MYO3A: variants seen among roughly 807,000 people sequenced by gnomAD.
MYO3A encodes the protein myosin-IIIa.
Under a neutral mutation model 192.7 loss-of-function variants are expected in MYO3A, and 180 were observed. That is an observed-to-expected ratio of 0.93 (90% CI 0.83 to 1.06). The LOEUF (loss-of-function observed/expected upper bound fraction) is 1.06, where lower values mean the gene tolerates loss of function less well. Ranked by LOEUF, MYO3A falls within the 50% of genes least tolerant of loss-of-function variation. MYO3A has a pLI of 0.00. For missense variants in MYO3A, 1,896 were observed against 1,905.0 expected, an observed-to-expected ratio of 1.00 and a Z score of 0.09; for synonymous variants, 628 against 645.3, an observed-to-expected ratio of 0.97 and a Z score of 0.41.
At chr10:25,974,001 T>G (rs1409134824) in intron 4 of MYO3A, among the ~76,000 whole-genome samples, 1 of 152,140 alleles carries the variant, frequency 6.6e-6, no homozygotes, top group Non-Finnish European at 1.5e-5. Context: ...GAAGAAAACC[T>G]AGGCAATACC....
intron 5 of MYO3A, 90 bp from the exon 6 acceptor site, chr10:25,997,069 T>C (rs1000368032): frequency 2.6e-5 from 24 of 936,438 alleles, no homozygotes; most frequent in Non-Finnish European, 4.1e-5. Context: ...TATTATGTGT[T>C]TCCTATTGAT....
intron 10 of MYO3A, among the ~76,000 whole-genome samples, chr10:26,036,286 A>T (rs558234700): frequency 4.7e-5 from 2 of 42,882 alleles, no homozygotes; most frequent in East Asian, 7.3e-4. Context: ...AGTGTGGAAA[A>T]ACTAAGTTTA....
In MYO3A at chr10:26,128,400, T is replaced by A. The variant is rs767218873; in HGVS notation, c.2124T>A (p.Gly708=). Residue 708 remains glycine (G), a synonymous_variant, in exon 20 of 35, where the codon GGT becomes GGA. Transcript: ENST00000642920. ...TCTTCAATTCTTCTAGTGGGAATGGTGATGAGCTGAGCATTGGCATTCTTG... is the reference window on the plus strand; with the variant it reads ...TCTTCAATTCTTCTAGTGGGAATGGAGATGAGCTGAGCATTGGCATTCTTG... ...LKHDSSPSGN[G]DELSIGILDI... The A allele has an allele frequency of 6.2e-7, 1 of 1,613,052 alleles. No homozygotes were observed. The highest frequency in any genetic ancestry group is 8.5e-7 in the Non-Finnish European group (1 of 1,179,268).
intron 10 of MYO3A, among the ~76,000 whole-genome samples, chr10:26,030,781 T>G (rs979807910): frequency 2.0e-5 from 3 of 152,184 alleles, no homozygotes; most frequent in African/African-American, 7.2e-5. Context: ...ATGGTCCTAA[T>G]ATAAATTGAA....
At chr10:26,038,360 G>A (rs1588837393) in intron 10 of MYO3A, among the ~76,000 whole-genome samples, 1 of 151,990 alleles carries the variant, frequency 6.6e-6, no homozygotes, top group East Asian at 1.9e-4. Context: ...CCATTTTTTG[G>A]TGTCCCCTTC....
At chr10:26,076,694 G>C (rs1040588922) in intron 14 of MYO3A, among the ~76,000 whole-genome samples, 1 of 152,100 alleles carries the variant, frequency 6.6e-6, no homozygotes, top group Non-Finnish European at 1.5e-5. Context: ...TGAGGATCCA[G>C]TTTCATTCTC....
At chr10:26,109,180 A>G (rs1487768330) in intron 17 of MYO3A, among the ~76,000 whole-genome samples, 1 of 152,204 alleles carries the variant, frequency 6.6e-6, no homozygotes, top group East Asian at 1.9e-4. Context: ...CAAGTTGCCC[A>G]CTCTAACTTA....
At chr10:26,173,470 T>A (rs1214497660) in intron 29 of MYO3A, among the ~76,000 whole-genome samples, 193 bp from the exon 30 acceptor site, 3 of 152,198 alleles carry the variant, frequency 2.0e-5, no homozygotes, top group Admixed American at 2.0e-4. Flanking sequence ...ATTATTTGAG[T>A]AGTTATCACA....
intron 4 of MYO3A, among the ~76,000 whole-genome samples, chr10:25,957,170 A>G (rs917956650): frequency 3.3e-5 from 5 of 151,360 alleles, no homozygotes; most frequent in Non-Finnish European, 5.9e-5. Context: ...TCCCCACCCA[A>G]ACCTCATCTT....
intron 4 of MYO3A, 78 bp downstream of exon 4, chr10:25,955,086 A>G: frequency 6.5e-7 from 1 of 1,547,886 alleles, no homozygotes; most frequent in Non-Finnish European, 8.9e-7. Flanking sequence ...TATTTATGTA[A>G]CATTGATATC....
At chr10:25,985,237 C>CAAA (rs1157598256) in intron 4 of MYO3A, among the ~76,000 whole-genome samples, 104 of 79,744 alleles carry the variant, frequency 1.3e-3, no homozygotes, top group Non-Finnish European at 1.9e-3. Context: ...GACTCTGTCT[C>CAAA]AAAAAAAAAA....
chr10:25,937,054 G>C (rs975418237), intron 2 of MYO3A, among the ~76,000 whole-genome samples: 1 of 152,064 alleles, frequency 6.6e-6, no homozygotes, highest in Non-Finnish European at 1.5e-5. Flanking sequence ...CTTTAGAAAT[G>C]TTTCTTTGGG....
At position 26,062,378 on chromosome 10, in the gene MYO3A, G is replaced by A. The variant is rs1478368981; in HGVS notation, c.954-4597G>A. 5.3e-5 allele frequency among the ~76,000 whole-genome samples: 8 copies of A among 150,962 alleles called. No individual in the cohort carries two copies. In the East Asian group the frequency reaches 1.2e-3, roughly 22 times the overall value. On this transcript the variant is annotated intron_variant, in intron 10 of 34. Coordinates refer to ENST00000642920, the MANE Select transcript of MYO3A (RefSeq NM_017433.5). ...TACTAAAAGTACAAAAATTAGCCAT[G>A]CATGGTAGCGCGCCTGTAGTCTCAG...
intron 6 of MYO3A, among the ~76,000 whole-genome samples, chr10:26,006,830 G>C (rs1369508257): frequency 6.6e-6 from 1 of 151,654 alleles, no homozygotes; most frequent in Admixed American, 6.6e-5. Flanking sequence ...CATTCCTTCT[G>C]AAACTATTCC....
At chr10:26,116,853 T>C (rs1306909832) in intron 17 of MYO3A, among the ~76,000 whole-genome samples, 1 of 152,144 alleles carries the variant, frequency 6.6e-6, no homozygotes, top group Admixed American at 6.6e-5. Flanking sequence ...TCCAACCCCA[T>C]TTGTAACAAC....
At chr10:26,036,767 G>A (rs1191393188) in intron 10 of MYO3A, among the ~76,000 whole-genome samples, 1 of 152,180 alleles carries the variant, frequency 6.6e-6, no homozygotes, top group East Asian at 1.9e-4. Context: ...CCACTTGCTG[G>A]TTGCTGAACC....
At chr10:26,044,199 A>G (rs1843513095) in intron 10 of MYO3A, among the ~76,000 whole-genome samples, 2 of 152,216 alleles carry the variant, frequency 1.3e-5, no homozygotes, top group Non-Finnish European at 2.9e-5. Context: ...TGCAAAACAA[A>G]GTCCTCTTTA....
At chr10:25,953,749 A>G (rs966100551) in intron 3 of MYO3A, among the ~76,000 whole-genome samples, 3 of 152,152 alleles carry the variant, frequency 2.0e-5, no homozygotes, top group Admixed American at 6.6e-5. Context: ...CCCCCTATTT[A>G]GTATAATTTA....
chr10:26,051,326 G>A (rs1843988698), intron 10 of MYO3A, among the ~76,000 whole-genome samples: 1 of 151,922 alleles, frequency 6.6e-6, no homozygotes, highest in African/African-American at 2.4e-5. Flanking sequence ...TTCTGAAATA[G>A]AAGTCTAAAT....
Sources: allele counts gnomAD v4.1 joint callset (sites outside exome capture counted in the v4.1 genomes callset), GRCh38; gene constraint gnomAD v4.1.1; transcripts MANE v1.5; gene names NCBI Gene and HGNC (gene_info 2026-07-23, HGNC 2026-07-21).